Variants in CPQ observed in about 807,000 individuals in gnomAD.
The protein encoded by CPQ is carboxypeptidase Q.
In CPQ, 37 loss-of-function variants were observed where a neutral mutation model predicts 45.7. The ratio of observed to expected loss-of-function variants is 0.81; its 90% confidence interval spans 0.62 to 1.07. CPQ has a LOEUF of 1.07. Among genes scored for constraint, CPQ ranks in the 50% least tolerant of loss-of-function variants. The pLI is 0.00. For missense variants in CPQ, 537 were observed against 572.9 expected (o/e 0.94, Z 0.64); for synonymous variants, 186 against 205.8 (o/e 0.90, Z 0.82).
intron 1 of CPQ, among the ~76,000 whole-genome samples, chr8:96,690,148 C>T (rs1016642975): frequency 1.3e-5 from 2 of 151,874 alleles, no homozygotes; most frequent in Admixed American, 1.3e-4. Context: ...TTGTTTATAT[C>T]ATTATATTTG....
At chr8:96,648,213 G>A (rs1037034485) in intron 1 of CPQ, among the ~76,000 whole-genome samples, 11 of 152,080 alleles carry the variant, frequency 7.2e-5, no homozygotes, top group African/African-American at 2.7e-4. Flanking sequence ...AAAACTAAGA[G>A]CTGATGCCAG....
chr8:96,748,378 C>T (rs1490196602), intron 1 of CPQ, among the ~76,000 whole-genome samples: 1 of 152,076 alleles, frequency 6.6e-6, no homozygotes, highest in African/African-American at 2.4e-5. Context: ...CCACATCCAG[C>T]CAGGAATCCT....
At chr8:96,875,175 G>A (rs906468549) in intron 3 of CPQ, among the ~76,000 whole-genome samples, 2 of 151,714 alleles carry the variant, frequency 1.3e-5, no homozygotes, top group African/African-American at 4.8e-5. Flanking sequence ...TTCATAATTG[G>A]ATTTTAAAAT....
intron 4 of CPQ, among the ~76,000 whole-genome samples, chr8:96,944,319 C>T (rs1813161816): frequency 1.3e-5 from 2 of 152,074 alleles, no homozygotes; most frequent in Admixed American, 6.6e-5. Flanking sequence ...TCCAAAGTCC[C>T]CTCCAGGCAG....
At chr8:96,854,557 A>AAAAAAAAAAAAAAAAAAACAC (rs1554573253) in intron 3 of CPQ, among the ~76,000 whole-genome samples, 4 of 76,866 alleles carry the variant, frequency 5.2e-5, no homozygotes, top group African/African-American at 2.0e-4. Context: ...AAAAAAAAAA[A>AAAAAAAAAAAAAAAAAAACAC]AATGTGGTGG....
intron 1 of CPQ, among the ~76,000 whole-genome samples, chr8:96,754,704 T>C (rs895055381): frequency 6.6e-6 from 1 of 152,092 alleles, no homozygotes; most frequent in Non-Finnish European, 1.5e-5. Context: ...TAAAACGTGA[T>C]TGTGAGTGGA....
chr8:97,029,431 G>T lies in CPQ; in HGVS notation c.990G>T (p.Leu330=), dbSNP rs7840421. The part of the protein sequence containing the change: ...LGLRPKRTLR[L]VLWTAEEQGG... ...TGCGTCCAAAGAGGACTCTGCGGCT[G>T]GTGCTCTGGACTGCAGAAGAACAAG... The change falls in exon 6 of 8, where the codon CTG becomes CTT. Residue 330 remains leucine, a synonymous_variant. Coordinates refer to ENST00000220763, the MANE Select transcript of CPQ (RefSeq NM_016134.4). 2.5e-6 allele frequency: 4 copies of T among 1,608,566 alleles called. No individual in the cohort carries two copies. The South Asian group carries it at 4.4e-5, about 18-fold the overall frequency.
chr8:96,698,669 T>G (rs994090544), intron 1 of CPQ, among the ~76,000 whole-genome samples: 3 of 152,054 alleles, frequency 2.0e-5, no homozygotes, highest in Admixed American at 2.0e-4. Context: ...AATAATATTA[T>G]GAAAAATGGG....
chr8:96,965,013 TAAG>T (rs1161617147), intron 4 of CPQ, among the ~76,000 whole-genome samples: 3 of 152,202 alleles, frequency 2.0e-5, no homozygotes, highest in Admixed American at 1.3e-4. Context: ...TAATATTTCC[TAAG>T]AAGAATTTTA....
chr8:97,069,470 T>TA (rs76928528), intron 7 of CPQ, among the ~76,000 whole-genome samples: 3,411 of 124,584 alleles, frequency 0.027, 115 homozygotes, highest in African/African-American at 0.08. Flanking sequence ...CATCTGTCTC[T>TA]AAAAAAAAAA....
intron 4 of CPQ, among the ~76,000 whole-genome samples, chr8:96,955,235 T>C (rs1316707196): frequency 2.0e-5 from 3 of 152,194 alleles, no homozygotes; most frequent in Non-Finnish European, 4.4e-5. Flanking sequence ...GTGTTCCTCT[T>C]TCTCCACATC....
At chr8:97,002,616 G>A (rs538641099) in intron 5 of CPQ, among the ~76,000 whole-genome samples, 1 of 152,120 alleles carries the variant, frequency 6.6e-6, no homozygotes, top group Non-Finnish European at 1.5e-5. Flanking sequence ...ATTGTGTTGT[G>A]GTCCAAGAGA....
intron 6 of CPQ, 69 bp from the exon 7 acceptor site, chr8:97,065,940 T>C: frequency 6.8e-7 from 1 of 1,472,434 alleles, no homozygotes; most frequent in East Asian, 2.3e-5. Flanking sequence ...GTAATTGTTG[T>C]TTGATAGTTC....
intron 1 of CPQ, among the ~76,000 whole-genome samples, chr8:96,716,240 G>C (rs934088870): frequency 1.2e-4 from 18 of 152,224 alleles, no homozygotes; most frequent in Non-Finnish European, 2.6e-4. Flanking sequence ...TTGCAAAAGA[G>C]TGCCAGCTGT....
At chr8:97,044,116 T>C (rs1400534490) in intron 6 of CPQ, among the ~76,000 whole-genome samples, 1 of 152,226 alleles carries the variant, frequency 6.6e-6, no homozygotes, top group East Asian at 1.9e-4. Context: ...CACTTTCAGG[T>C]ACACCAATCA....
chr8:97,099,115 C>CTCTTTTTT (rs1554589610), intron 7 of CPQ, among the ~76,000 whole-genome samples: 3 of 66,316 alleles, frequency 4.5e-5, no homozygotes, highest in Admixed American at 2.7e-4. Flanking sequence ...CCTTCTCTCT[C>CTCTTTTTT]TTTTTTTTTT....
chr8:96,797,732 C>A (rs563253669), intron 2 of CPQ, among the ~76,000 whole-genome samples: 2 of 151,822 alleles, frequency 1.3e-5, no homozygotes, highest in Non-Finnish European at 1.5e-5. Flanking sequence ...GCCCGAGCAA[C>A]GTAGTGAAAC....
At chr8:96,920,869 C>T (rs555152695) in intron 4 of CPQ, among the ~76,000 whole-genome samples, 1 of 152,266 alleles carries the variant, frequency 6.6e-6, no homozygotes, top group South Asian at 2.1e-4. Flanking sequence ...CAACTTGAAG[C>T]CTCCAAACTG....
intron 6 of CPQ, 77 bp downstream of exon 6, chr8:97,029,571 T>C (rs1234320112): frequency 2.3e-6 from 3 of 1,306,370 alleles, no homozygotes; most frequent in South Asian, 1.3e-5. Context: ...CATTTAAGAC[T>C]TCAATAATAC....
Sources: allele counts gnomAD v4.1 joint callset (sites outside exome capture counted in the v4.1 genomes callset), GRCh38; gene constraint gnomAD v4.1.1; transcripts MANE v1.5; gene names NCBI Gene and HGNC (gene_info 2026-07-23, HGNC 2026-07-21).